The following TOX variants were observed in gnomAD, a reference collection of about 807,000 sequenced individuals.
TOX encodes the protein thymocyte selection-associated high mobility group box protein TOX.
A neutral mutation model predicts 53.7 loss-of-function variants in TOX; 11 were observed. The ratio of observed to expected loss-of-function variants is 0.20; its 90% confidence interval spans 0.13 to 0.34. The LOEUF is 0.34. Ranked by LOEUF, TOX falls within the 10% of genes least tolerant of loss-of-function variation. The probability of loss-of-function intolerance (pLI) is 1.00; values close to 1 mark genes in which losing one functional copy is unlikely to be tolerated. For missense variants in TOX, 570 were observed against 664.6 expected (o/e 0.86, Z 1.56); for synonymous variants, 225 against 245.3 (o/e 0.92, Z 0.77).
chr8:58,939,311 G>C lies in TOX; in HGVS notation c.402C>G (p.Ser134=). 10 of 1,614,002 alleles carry C rather than the reference G, an allele frequency of 6.2e-6. No individual in the cohort carries two copies. The highest frequency in any genetic ancestry group is 8.5e-6 in the Non-Finnish European group (10 of 1,179,982). The change falls in exon 3 of 9, where the codon TCC becomes TCG. Residue 134 remains serine, a synonymous_variant. Transcript: ENST00000361421. ...LGQDGTLLSN[S]ISVMPDIRNP... is the part of the protein sequence containing the mutation. ...GTAAGCAGATTCTTACCACAGAAAT[G>C]GAATTAGAAAGCAGTGTTCCATCCT...
intron 1 of TOX, among the ~76,000 whole-genome samples, chr8:58,996,045 C>T (rs768466471): frequency 6.6e-6 from 1 of 152,128 alleles, no homozygotes. Flanking sequence ...ATTCTTCGTC[C>T]AGTTTGAACA....
intron 3 of TOX, among the ~76,000 whole-genome samples, chr8:58,862,746 A>C (rs1811032735): frequency 6.6e-6 from 1 of 152,184 alleles, no homozygotes; most frequent in South Asian, 2.1e-4. Flanking sequence ...GTCTTTAACT[A>C]GACTAGCTAA....
chr8:59,012,278 T>C (rs1813921327), intron 1 of TOX, among the ~76,000 whole-genome samples: 1 of 151,964 alleles, frequency 6.6e-6, no homozygotes, highest in Non-Finnish European at 1.5e-5. Context: ...AGATGATATG[T>C]TTGTAGAAAG....
intron 2 of TOX, among the ~76,000 whole-genome samples, chr8:58,944,865 A>G (rs997880845): frequency 1.3e-5 from 2 of 152,194 alleles, no homozygotes; most frequent in Non-Finnish European, 2.9e-5. Context: ...ATGTCATTAT[A>G]AAGGAATTTC....
intron 1 of TOX, among the ~76,000 whole-genome samples, chr8:59,077,197 A>G (rs989551007): frequency 6.6e-6 from 1 of 152,210 alleles, no homozygotes; most frequent in Non-Finnish European, 1.5e-5. Context: ...ACCTTTCCTC[A>G]GTCACAAATG....
chr8:59,091,124 G>A (rs1029253932), intron 1 of TOX, among the ~76,000 whole-genome samples: 3 of 151,974 alleles, frequency 2.0e-5, no homozygotes, highest in Non-Finnish European at 1.5e-5. Context: ...TACCTTCTCA[G>A]GTAAATGCAG....
chr8:58,849,609 A>G (rs895056913), intron 4 of TOX, among the ~76,000 whole-genome samples: 10 of 152,104 alleles, frequency 6.6e-5, no homozygotes, highest in African/African-American at 1.9e-4. Context: ...CTACTCTTCT[A>G]CTCATATAAG....
intron 3 of TOX, among the ~76,000 whole-genome samples, chr8:58,872,341 C>A (rs1466411081): frequency 2.0e-5 from 3 of 151,872 alleles, no homozygotes; most frequent in African/African-American, 7.3e-5. Flanking sequence ...GTCTCCAATG[C>A]CAAAGAATTT....
intron 3 of TOX, among the ~76,000 whole-genome samples, chr8:58,863,262 A>G (rs1811040539): frequency 1.3e-5 from 2 of 152,190 alleles, no homozygotes. Context: ...CTCTCTCACA[A>G]GCAGGTAACT....
At chr8:58,986,378 A>G (rs1057104312) in intron 1 of TOX, among the ~76,000 whole-genome samples, 11 of 152,232 alleles carry the variant, frequency 7.2e-5, no homozygotes, top group African/African-American at 2.4e-4. Context: ...TTGAAACTGA[A>G]GCCACGGAAA....
intron 1 of TOX, among the ~76,000 whole-genome samples, chr8:59,030,452 A>G (rs1814333558): frequency 6.6e-6 from 1 of 152,190 alleles, no homozygotes; most frequent in African/African-American, 2.4e-5. Context: ...TTAATATTTG[A>G]AGAACTTTTC....
At chr8:58,988,985 T>C (rs1394060405) in intron 1 of TOX, among the ~76,000 whole-genome samples, 6 of 152,122 alleles carry the variant, frequency 3.9e-5, no homozygotes, top group Non-Finnish European at 8.8e-5. Context: ...ATAAAATTTT[T>C]CTCCTCCAAG....
chr8:58,840,437 C>A (rs1409674444), intron 4 of TOX, among the ~76,000 whole-genome samples: 2 of 152,146 alleles, frequency 1.3e-5, no homozygotes, highest in Non-Finnish European at 2.9e-5. Context: ...ACTGGCATAA[C>A]AATGCTATAT....
intron 3 of TOX, among the ~76,000 whole-genome samples, chr8:58,903,616 G>T (rs901498599): frequency 6.6e-6 from 1 of 152,006 alleles, no homozygotes; most frequent in African/African-American, 2.4e-5. Context: ...GTTTAATAAG[G>T]GATCTTTTTG....
At chr8:58,903,639 T>C (rs1811765840) in intron 3 of TOX, among the ~76,000 whole-genome samples, 2 of 152,210 alleles carry the variant, frequency 1.3e-5, no homozygotes, top group African/African-American at 2.4e-5. Context: ...TACTGGCTAA[T>C]ATTTACACTA....
chr8:58,904,667 G>A (rs1811784729), intron 3 of TOX, among the ~76,000 whole-genome samples: 1 of 152,074 alleles, frequency 6.6e-6, no homozygotes, highest in Non-Finnish European at 1.5e-5. Flanking sequence ...GCCTGACCAT[G>A]GTAATGACTG....
At position 59,053,456 on chromosome 8, in the gene TOX, T is replaced by C. The variant is rs536075351; in HGVS notation, c.102+65430A>G. On this transcript the variant is annotated intron_variant, in intron 1 of 8. Coordinates refer to ENST00000361421, the MANE Select transcript of TOX (RefSeq NM_014729.3). ...CGAAAATATATTGGTCTGCCTCAACTAGAAAAAACATAAAACATAATCTTG... is the reference window on the plus strand; with the variant it reads ...CGAAAATATATTGGTCTGCCTCAACCAGAAAAAACATAAAACATAATCTTG... 1.1e-4 allele frequency among the ~76,000 whole-genome samples: 16 copies of C among 152,312 alleles called. No individual in the cohort carries two copies. The South Asian group carries it at 2.7e-3, about 26-fold the overall frequency.
chr8:59,114,377 C>A (rs564079264), intron 1 of TOX, among the ~76,000 whole-genome samples: 1 of 152,168 alleles, frequency 6.6e-6, no homozygotes, highest in Non-Finnish European at 1.5e-5. Context: ...ATTTGCAATA[C>A]TGAAATAACC....
intron 1 of TOX, among the ~76,000 whole-genome samples, chr8:59,019,136 G>C (rs750552398): frequency 6.6e-6 from 1 of 151,854 alleles, no homozygotes; most frequent in Non-Finnish European, 1.5e-5. Flanking sequence ...ATTTACTTTC[G>C]TTAATACTCA....
Sources: allele counts gnomAD v4.1 joint callset (sites outside exome capture counted in the v4.1 genomes callset), GRCh38; gene constraint gnomAD v4.1.1; transcripts MANE v1.5; gene names NCBI Gene and HGNC (gene_info 2026-07-23, HGNC 2026-07-21).